Variants in DLG2 observed in about 807,000 individuals in gnomAD.
The protein encoded by DLG2 is discs large MAGUK scaffold protein 2, also known as disks large homolog 2.
A neutral mutation model predicts 132.5 loss-of-function variants in DLG2; 45 were observed. The observed-to-expected ratio is 0.34, with a 90% CI of 0.27 to 0.44. DLG2 has a LOEUF of 0.44. DLG2 is among the 20% of genes least tolerant of loss of function. DLG2 has a pLI of 1.00. For synonymous variants in DLG2, 424 were observed against 419.6 expected, an observed-to-expected ratio of 1.01 and a Z score of -0.13; for missense variants, 1,045 against 1,196.9, an observed-to-expected ratio of 0.87 and a Z score of 1.87.
chr11:84,360,987 A>G (rs543114119), intron 7 of DLG2, among the ~76,000 whole-genome samples: 3 of 151,936 alleles, frequency 2.0e-5, no homozygotes, highest in Non-Finnish European at 4.4e-5. Context: ...TGAAAAATAC[A>G]CTAGATGGGA....
At chr11:85,159,033 T>G (rs1056381047) in intron 4 of DLG2, among the ~76,000 whole-genome samples, 1 of 152,174 alleles carries the variant, frequency 6.6e-6, no homozygotes, top group African/African-American at 2.4e-5. Flanking sequence ...ACCAACAATT[T>G]ATACTGTTAA....
intron 15 of DLG2, among the ~76,000 whole-genome samples, chr11:83,894,961 A>C (rs528086437): frequency 5.3e-5 from 8 of 149,654 alleles, no homozygotes; most frequent in Non-Finnish European, 1.0e-4. Flanking sequence ...GTTGTTGCAA[A>C]TGACACAATG....
chr11:83,564,973 C>G (rs928254025), intron 19 of DLG2, among the ~76,000 whole-genome samples: 1 of 152,126 alleles, frequency 6.6e-6, no homozygotes, highest in Non-Finnish European at 1.5e-5. Flanking sequence ...GTTTACATAA[C>G]TGTATTATAA....
At position 84,557,558 on chromosome 11, in the gene DLG2, A is replaced by C. The variant is rs958401989; in HGVS notation, c.358-22827T>G. 5.9e-5 allele frequency among the ~76,000 whole-genome samples: 9 copies of C among 152,206 alleles called. No homozygotes were observed. In the East Asian group the frequency reaches 1.7e-3, roughly 29 times the overall value. On this transcript the variant is annotated intron_variant, in intron 6 of 27. Coordinates refer to ENST00000376104, the MANE Select transcript of DLG2 (RefSeq NM_001142699.3). ...AGTATCATATTGTGGCTATTTTTCT[A>C]CAACATTTCATTGAGAAATTTATTT...
intron 3 of DLG2, chr11:85,286,233 A>G: frequency 3.3e-6 from 1 of 304,830 alleles, no homozygotes. Flanking sequence ...CATGTATACT[A>G]AAATTGAACA....
At chr11:85,219,460 C>T (rs1462508800) in intron 4 of DLG2, among the ~76,000 whole-genome samples, 1 of 152,038 alleles carries the variant, frequency 6.6e-6, no homozygotes, top group East Asian at 1.9e-4. Flanking sequence ...CAGTGCCTAA[C>T]ATACTGCATG....
intron 6 of DLG2, among the ~76,000 whole-genome samples, chr11:84,949,128 T>C (rs1056326934): frequency 2.0e-5 from 3 of 152,068 alleles, no homozygotes; most frequent in African/African-American, 7.2e-5. Context: ...AGAGAAATTT[T>C]AAAGCTGGGC....
chr11:83,822,912 A>G (rs1701630995), intron 17 of DLG2, among the ~76,000 whole-genome samples: 1 of 152,106 alleles, frequency 6.6e-6, no homozygotes, highest in Admixed American at 6.5e-5. Context: ...CTTGTCATGA[A>G]AGAAGGAGGC....
intron 8 of DLG2, among the ~76,000 whole-genome samples, chr11:84,185,040 A>C (rs1283298164): frequency 6.6e-6 from 1 of 152,128 alleles, no homozygotes; most frequent in African/African-American, 2.4e-5. Flanking sequence ...TTTAGGATTG[A>C]CTTGGCAATG....
At chr11:85,602,204 C>T (rs1359996577) in intron 2 of DLG2, among the ~76,000 whole-genome samples, 1 of 152,126 alleles carries the variant, frequency 6.6e-6, no homozygotes, top group Non-Finnish European at 1.5e-5. Flanking sequence ...TTCTCTAATT[C>T]TCTACATCTA....
chr11:84,207,252 A>G lies in DLG2; in HGVS notation c.574-43741T>C, dbSNP rs77625511. Among the ~76,000 whole-genome samples, 161 of 152,218 alleles carry G rather than the reference A, an allele frequency of 1.1e-3. 1 individual carries two copies. Among genetic ancestry groups the G allele is most frequent in the African/African-American group, 3.7e-3 (155 of 41,568 alleles). On this transcript the variant is annotated intron_variant, in intron 8 of 27. Transcript: ENST00000376104. ...TACTTGAAAAGTCAATGAAATGCCAATGAATATCATAGCAGGCTTTCTGCA... is the reference window on the plus strand; with the variant it reads ...TACTTGAAAAGTCAATGAAATGCCAGTGAATATCATAGCAGGCTTTCTGCA...
chr11:83,881,406 T>C (rs2066233824), intron 15 of DLG2, among the ~76,000 whole-genome samples: 2 of 152,212 alleles, frequency 1.3e-5, no homozygotes, highest in South Asian at 4.1e-4. Flanking sequence ...TTAAGTTTGT[T>C]AAGCTAACAT....
intron 9 of DLG2, among the ~76,000 whole-genome samples, chr11:84,123,925 A>G (rs554834120): frequency 6.6e-6 from 1 of 152,316 alleles, no homozygotes; most frequent in African/African-American, 2.4e-5. Context: ...AATGTATTCT[A>G]CTCACAAAGA....
chr11:84,774,851 C>T (rs964609047), intron 6 of DLG2, among the ~76,000 whole-genome samples: 1 of 151,950 alleles, frequency 6.6e-6, no homozygotes, highest in African/African-American at 2.4e-5. Flanking sequence ...ACATAGGAAG[C>T]ACCATTTTGG....
At chr11:85,276,231 G>C (rs78870763) in intron 4 of DLG2, among the ~76,000 whole-genome samples, 1,802 of 152,094 alleles carry the variant, frequency 0.012, 28 homozygotes, top group African/African-American at 0.04. Flanking sequence ...CTTTCTCTGC[G>C]GGAGAAAAAA....
chr11:84,917,378 C>G (rs2092533900), intron 6 of DLG2, among the ~76,000 whole-genome samples: 2 of 152,144 alleles, frequency 1.3e-5, no homozygotes, highest in South Asian at 4.1e-4. Context: ...TTTGAGATGT[C>G]TGTAACATAT....
intron 6 of DLG2, among the ~76,000 whole-genome samples, chr11:84,677,391 T>C (rs1377504749): frequency 5.3e-5 from 8 of 152,184 alleles, no homozygotes; most frequent in South Asian, 2.1e-4. Flanking sequence ...CTGTGGCTGC[T>C]TGTAAATCAG....
chr11:84,728,667 A>G (rs965931542), intron 6 of DLG2, among the ~76,000 whole-genome samples: 3 of 152,182 alleles, frequency 2.0e-5, no homozygotes, highest in Admixed American at 2.0e-4. Flanking sequence ...AAGGAATGGT[A>G]CCAGCTCCTC....
At chr11:84,633,033 G>GAAAAGAAGAAAGACTGGCT (rs1214405421) in intron 6 of DLG2, among the ~76,000 whole-genome samples, 5 of 152,144 alleles carry the variant, frequency 3.3e-5, no homozygotes, top group African/African-American at 1.2e-4. Context: ...CTCCTGAGAT[G>GAAAAGAAGAAAGACTGGCT]AAAAGAAGAA....
Sources: allele counts gnomAD v4.1 joint callset (sites outside exome capture counted in the v4.1 genomes callset), GRCh38; gene constraint gnomAD v4.1.1; transcripts MANE v1.5; gene names NCBI Gene and HGNC (gene_info 2026-07-23, HGNC 2026-07-21).